SPTA1: variants seen among roughly 807,000 people sequenced by gnomAD.
SPTA1 encodes spectrin alpha, erythrocytic 1, also known as spectrin alpha chain, erythrocytic 1.
In SPTA1, 177 loss-of-function variants were observed where a neutral mutation model predicts 324.7. The ratio of observed to expected loss-of-function variants is 0.55; its 90% CI spans 0.48 to 0.62. The LOEUF (loss-of-function observed/expected upper bound fraction) is 0.62, where lower values mean the gene tolerates loss of function less well. Among genes scored for constraint, SPTA1 ranks in the 20% least tolerant of loss-of-function variants. The pLI, the probability that SPTA1 is intolerant of heterozygous loss-of-function variation, is 0.00. For synonymous variants in SPTA1, 1,195 were observed against 1,041.3 expected, an observed-to-expected ratio of 1.15 and a Z score of -2.84; for missense variants, 3,162 against 2,883.6, an observed-to-expected ratio of 1.10 and a Z score of -2.21.
In SPTA1 at chr1:158,652,380, G is replaced by A. The variant is rs1443939683; in HGVS notation, c.3375+87C>T. Reference sequence around the variant, plus strand: ...GCTTTGGGGAGAATATTTAACAAGTGTGAAATAAATTAAAAGATCATGTAG... The same window carrying A: ...GCTTTGGGGAGAATATTTAACAAGTATGAAATAAATTAAAAGATCATGTAG... On this transcript the variant is annotated intron_variant, in intron 23 of 51. Transcript: ENST00000643759. The A allele has an allele frequency of 8.2e-6, 12 of 1,456,274 alleles. No homozygotes were observed. In the East Asian group the frequency reaches 2.7e-4, roughly 33 times the overall value. 90.2% of individuals were successfully genotyped at this position (1,456,274 alleles called of 1,614,324 possible).
chr1:158,684,766 T>C (rs769275689), intron 2 of SPTA1, among the ~76,000 whole-genome samples: 3 of 152,162 alleles, frequency 2.0e-5, no homozygotes, highest in Non-Finnish European at 2.9e-5. Context: ...CCTATGCCCT[T>C]ATCAATAAGC....
intron 21 of SPTA1, 50 bp downstream of exon 21, chr1:158,654,561 T>G: frequency 1.2e-6 from 2 of 1,613,054 alleles, no homozygotes; most frequent in Non-Finnish European, 1.7e-6. Flanking sequence ...TTGGGAGAGA[T>G]GGTTCTGAAA....
rs756836649 is a variant in SPTA1, at chr1:158,680,682, G to A, written c.579C>T (p.Thr193=). 1.4e-5 allele frequency: 22 copies of A among 1,613,640 alleles called. No individual in the cohort carries two copies. Among genetic ancestry groups the A allele is most frequent in the South Asian group, 4.4e-5 (4 of 91,080 alleles). ...SVELGEDWER[T]EVLHKKFEDF... ...CTTCAAATTTCTTATGCAGAACTTCGGTGCGCTCCCAGTCTTCACCTAGCT... is the reference window on the plus strand; with the variant it reads ...CTTCAAATTTCTTATGCAGAACTTCAGTGCGCTCCCAGTCTTCACCTAGCT... Residue 193 remains threonine (T), a synonymous_variant, in exon 5 of 52, where the codon ACC becomes ACT. Coordinates refer to ENST00000643759, the MANE Select transcript of SPTA1 (RefSeq NM_003126.4).
chr1:158,622,718 C>T (rs879388055), intron 43 of SPTA1: 3 of 428,616 alleles, frequency 7.0e-6, no homozygotes, highest in South Asian at 4.3e-5. Context: ...CAAAGACCTC[C>T]CATCCTCTTG....
chr1:158,672,140 A>G lies in SPTA1; in HGVS notation c.1407T>C (p.His469=). Reference sequence around the variant, plus strand: ...AGTCCAAGCACTGCTCATACTGACGATGACGCTCGTCCCACAGTTCCAGCA... The same window carrying G: ...AGTCCAAGCACTGCTCATACTGACGGTGACGCTCGTCCCACAGTTCCAGCA... ...TALLELWDER[H]RQYEQCLDFH... Residue 469 remains histidine, a synonymous_variant, in exon 11 of 52, where the codon CAT becomes CAC. Transcript: ENST00000643759. The G allele has an allele frequency of 6.2e-7, 1 of 1,614,100 alleles. No homozygotes were observed. Among genetic ancestry groups the G allele is most frequent in the Non-Finnish European group, 8.5e-7 (1 of 1,179,990 alleles).
rs1156436012 is a variant in SPTA1, at chr1:158,614,316, A to AG, written c.6789-11_6789-10insC. On this transcript the variant is annotated splice_polypyrimidine_tract_variant and intron_variant, in intron 48 of 51. Transcript: ENST00000643759. Reference sequence around the variant, plus strand: ...CACACCTTTGATGTCCCTGAAAGAAAAAAAAAAAACATGAATTTTCCCTGT... The same window carrying AG: ...CACACCTTTGATGTCCCTGAAAGAAAGAAAAAAAAACATGAATTTTCCCTGT... 1 of 1,576,810 alleles carries AG rather than the reference A, an allele frequency of 6.3e-7. No homozygotes were observed. Among genetic ancestry groups the AG allele is most frequent in the Non-Finnish European group, 8.7e-7 (1 of 1,150,322 alleles).
chr1:158,681,664 G>A lies in SPTA1; in HGVS notation c.394C>T (p.His132Tyr), dbSNP rs752651544. Residue 132 changes from histidine (H) to tyrosine (Y), a missense_variant, in exon 4 of 52, where the codon CAT becomes TAT. Physicochemically the swap from His to Tyr is moderately conservative, Grantham distance 83. Coordinates refer to ENST00000643759, the MANE Select transcript of SPTA1 (RefSeq NM_003126.4). Reference protein sequence around the residue: ...GHSAHEETKAHIEELRHLWDL... With the variant: ...GHSAHEETKAYIEELRHLWDL... ...CACAGGTGGCGTAGCTCCTCTATAT[G>A]GGCCTTTAGGAAAGAGGGGCAAAAC... 3.7e-6 allele frequency: 6 copies of A among 1,613,408 alleles called. No individual in the cohort carries two copies. The South Asian group carries it at 4.4e-5, about 12-fold the overall frequency.
chr1:158,673,760 T>C (rs953728789), intron 10 of SPTA1, among the ~76,000 whole-genome samples: 2 of 152,132 alleles, frequency 1.3e-5, no homozygotes, highest in African/African-American at 4.8e-5. Context: ...TCAAATTAGG[T>C]AGAAGTCAGA....
At chr1:158,620,573 A>G in intron 43 of SPTA1, 107 bp from the exon 44 acceptor site, 1 of 1,416,450 alleles carries the variant, frequency 7.1e-7, no homozygotes, top group Non-Finnish European at 9.7e-7. Context: ...CTGCAGGGCC[A>G]CCAATCTAAA....
chr1:158,640,840 T>C (rs375944669), intron 33 of SPTA1, among the ~76,000 whole-genome samples: 128 of 152,146 alleles, frequency 8.4e-4, no homozygotes, highest in African/African-American at 2.9e-3. Flanking sequence ...AAAAAGAGCC[T>C]ACATTGCCAA....
intron 39 of SPTA1, among the ~76,000 whole-genome samples, chr1:158,633,808 A>G (rs1464140831): frequency 6.6e-6 from 1 of 152,254 alleles, no homozygotes; most frequent in East Asian, 1.9e-4. Context: ...TACAAATAAG[A>G]TGAGCTGATA....
In SPTA1 at chr1:158,628,874, G is replaced by A. The variant is rs191272860; in HGVS notation, c.5566-1151C>T. On this transcript the variant is annotated intron_variant, in intron 39 of 51. Transcript: ENST00000643759. ...TTCCTAGAAACAGACAACTTGCAAA[G>A]ACCAAATCATGAAGAAAGTCCAAAC... Among the ~76,000 whole-genome samples the A allele has an allele frequency of 3.8e-4, 58 of 152,052 alleles. 1 individual carries two copies. Among genetic ancestry groups the A allele is most frequent in the Non-Finnish European group, 7.8e-4 (53 of 67,928 alleles).
rs1263475361 is a variant in SPTA1, at chr1:158,686,661, C to T, written c.-144G>A. ...GTGGGGGAAAAAAAAAAACCTCTTG[C>T]TTGGTCCTAGAATCCCATCAGCCAT... is the stretch of plus-strand genomic sequence containing the variant. On this transcript the variant is annotated 5_prime_UTR_variant, in exon 1 of 52. Coordinates refer to ENST00000643759, the MANE Select transcript of SPTA1 (RefSeq NM_003126.4). The T allele has an allele frequency of 1.5e-6, 1 of 670,042 alleles. No individual in the cohort carries two copies. Among genetic ancestry groups the T allele is most frequent in the East Asian group, 2.7e-5 (1 of 36,874 alleles). 41.5% of individuals were successfully genotyped at this position (670,042 alleles called of 1,614,324 possible).
chr1:158,656,191 T>G (rs2101873419), intron 20 of SPTA1, among the ~76,000 whole-genome samples: 1 of 152,228 alleles, frequency 6.6e-6, no homozygotes, highest in South Asian at 2.1e-4. Context: ...TTACATATAG[T>G]AGACATTTAA....
chr1:158,618,581 C>T (rs970439828), intron 45 of SPTA1, among the ~76,000 whole-genome samples: 1 of 152,166 alleles, frequency 6.6e-6, no homozygotes, highest in Non-Finnish European at 1.5e-5. Flanking sequence ...TTTTCTAGGT[C>T]ATTTACCCCA....
At chr1:158,617,983 G>A (rs529868686) in intron 46 of SPTA1, 56 bp downstream of exon 46, 43 of 1,514,712 alleles carry the variant, frequency 2.8e-5, no homozygotes, top group Non-Finnish European at 3.4e-5. Flanking sequence ...CTTTCTTAAC[G>A]AATTCTTCCA....
intron 39 of SPTA1, among the ~76,000 whole-genome samples, chr1:158,632,212 A>G (rs543070582): frequency 4.4e-4 from 67 of 152,330 alleles, no homozygotes; most frequent in Non-Finnish European, 1.3e-4. Flanking sequence ...TACATGCTAC[A>G]TGATTCCACC....
chr1:158,627,532 A>T (rs1311726000), intron 40 of SPTA1, 93 bp downstream of exon 40: 8 of 1,215,584 alleles, frequency 6.6e-6, no homozygotes, highest in Non-Finnish European at 9.7e-6. Context: ...TGATCTTAGC[A>T]CTGCTCTCTG....
chr1:158,674,270 G>C (rs1571513450), intron 10 of SPTA1, 59 bp downstream of exon 10: 1 of 1,442,996 alleles, frequency 6.9e-7, no homozygotes, highest in East Asian at 2.3e-5. Flanking sequence ...ATTATTGTGA[G>C]ATTATGTAAT....
Sources: gnomAD v4.1 joint callset for allele counts (sites outside exome capture counted in the v4.1 genomes callset) on GRCh38, gnomAD v4.1.1 for gene constraint, MANE v1.5 for transcripts, NCBI Gene and HGNC (gene_info 2026-07-23, HGNC 2026-07-21) for gene names.